The following STARD8 variants were observed in gnomAD, a reference collection of about 807,000 sequenced individuals.
STARD8 encodes the protein StAR related lipid transfer domain containing 8.
STARD8 carries 25 observed loss-of-function variants against 69.4 expected under a neutral mutation model. That is an observed-to-expected ratio of 0.36 (90% CI 0.26 to 0.50). The LOEUF (loss-of-function observed/expected upper bound fraction) is 0.50, where lower values mean the gene tolerates loss of function less well. Among genes scored for constraint, STARD8 ranks in the 20% least tolerant of loss-of-function variants. The probability of loss-of-function intolerance (pLI) is 0.96; values close to 1 mark genes in which losing one functional copy is unlikely to be tolerated. For missense variants in STARD8, 921 were observed against 932.5 expected (o/e 0.99, Z 0.16); for synonymous variants, 389 against 374.6 (o/e 1.04, Z -0.45).
At chrX:68,657,574 T>C (rs928399156) in intron 1 of STARD8, among the ~76,000 whole-genome samples, 4 of 112,263 alleles carry the variant, frequency 3.6e-5, no homozygotes, top group Non-Finnish European at 5.6e-5. Flanking sequence ...TTCAATGCGT[T>C]AACAGTTTTA....
intron 1 of STARD8, among the ~76,000 whole-genome samples, chrX:68,648,648 A>G (rs2079529525): frequency 9.0e-6 from 1 of 111,729 alleles, no homozygotes; most frequent in African/African-American, 3.3e-5. Flanking sequence ...CAAAGAGAAT[A>G]TAAGAAAAGT....
chrX:68,670,885 A>C (rs1392405459), intron 2 of STARD8, among the ~76,000 whole-genome samples: 1 of 111,324 alleles, frequency 9.0e-6, no homozygotes, highest in Non-Finnish European at 1.9e-5. Context: ...AGTTGTGTGC[A>C]TGGGACCTCT....
chrX:68,716,331 T>C, intron 4 of STARD8, 37 bp from the exon 5 acceptor site: 1 of 1,191,740 alleles, frequency 8.4e-7, no homozygotes, highest in Non-Finnish European at 1.1e-6. Context: ...GCTTTGGGGA[T>C]GGGGACCCTT....
At chrX:68,673,458 T>C (rs1398570847) in intron 2 of STARD8, among the ~76,000 whole-genome samples, 6 of 111,842 alleles carry the variant, frequency 5.4e-5, no homozygotes, top group Non-Finnish European at 7.5e-5. Context: ...TTTTCCTCCC[T>C]CAGCTGTCAG....
Position 68,723,717 on chromosome X carries a change from G to A in STARD8, c.2891G>A (p.Arg964Gln), listed in dbSNP as rs779351842. ...AVVLHRVLRE[R>Q]ALWDEDLLRA... is the part of the protein sequence containing the mutation. ...GTGCTGCATCGTGTTCTCCGGGAGC[G>A]GGCCCTCTGGGATGAGGATCTGCTG... Residue 964 changes from arginine to glutamine, a missense_variant, in exon 13 of 15, where the codon CGG becomes CAG. Physicochemically the swap from Arg to Gln is conservative, Grantham distance 43 (BLOSUM62 1). Transcript: ENST00000374599. 18 of 1,189,892 alleles carry A rather than the reference G, an allele frequency of 1.5e-5. No individual in the cohort carries two copies. Among genetic ancestry groups the A allele is most frequent in the East Asian group, 3.1e-5 (1 of 32,658 alleles).
rs895934127 is a variant in STARD8, at chrX:68,668,536, A to G, written c.79+3004A>G. ...TGAATCAAGCAAAGATTTATCTGAC[A>G]CATCATTGCTTTTGTTCTAGTGGTC... On this transcript the variant is annotated intron_variant, in intron 2 of 14. Transcript: ENST00000374599. Among the ~76,000 whole-genome samples the G allele has an allele frequency of 6.3e-5, 7 of 110,386 alleles. No individual in the cohort carries two copies. In the East Asian group the frequency reaches 2.0e-3, roughly 32 times the overall value.
rs752977751 is a variant in STARD8, at chrX:68,717,680, T to C, written c.766T>C (p.Phe256Leu). 6 of 1,210,553 alleles carry C rather than the reference T, an allele frequency of 5.0e-6. No homozygotes were observed. The highest frequency in any genetic ancestry group is 5.9e-5 in the East Asian group (2 of 33,764). ...TTGTCGTGGCTTCCTCTCAGCTGGATTTTACAGGGCCAAGAACTGGGCCGC... is the reference window on the plus strand; with the variant it reads ...TTGTCGTGGCTTCCTCTCAGCTGGACTTTACAGGGCCAAGAACTGGGCCGC... ...RSCRGFLSAGFYRAKNWAATS... is the reference protein window; with the variant it reads ...RSCRGFLSAGLYRAKNWAATS... The change falls in exon 6 of 15, where the codon TTT becomes CTT. Residue 256 changes from phenylalanine to leucine, a missense_variant. Transcript: ENST00000374599.
In STARD8 at chrX:68,716,436, G is replaced by T; in HGVS notation, c.297+5G>T. On this transcript the variant is annotated splice_donor_5th_base_variant and intron_variant, in intron 5 of 14. Coordinates refer to ENST00000374599, the MANE Select transcript of STARD8 (RefSeq NM_001142503.3). ...GTTCATTTTCAAAGCAAGCAGGTGA[G>T]TCATGGCAAAGCGTGGGTCTGTGGT... The T allele has an allele frequency of 8.3e-7, 1 of 1,210,611 alleles. No homozygotes were observed. The highest frequency in any genetic ancestry group is 1.1e-6 in the Non-Finnish European group (1 of 894,762).
rs769745259 is a variant in STARD8 at position 68,682,143 on chromosome X, C to T, written c.79+16611C>T. Among the ~76,000 whole-genome samples the T allele has an allele frequency of 1.3e-4, 14 of 110,564 alleles. No homozygotes were observed. In the South Asian group the frequency reaches 3.5e-3, roughly 28 times the overall value. On this transcript the variant is annotated intron_variant, in intron 2 of 14. Coordinates refer to ENST00000374599, the MANE Select transcript of STARD8 (RefSeq NM_001142503.3). ...ACTCCCGAGTAGCTGGGACTACAGG[C>T]GCACACCACCACGCCTGGCTAATTT...
chrX:68,676,413 C>T (rs918607793), intron 2 of STARD8, among the ~76,000 whole-genome samples: 1 of 112,248 alleles, frequency 8.9e-6, no homozygotes, highest in East Asian at 2.8e-4. Flanking sequence ...GAAATCCTAC[C>T]CACTATATGC....
intron 8 of STARD8, among the ~76,000 whole-genome samples, 187 bp from the exon 9 acceptor site, chrX:68,720,737 T>C (rs1318636072): frequency 3.6e-5 from 4 of 112,426 alleles, no homozygotes; most frequent in African/African-American, 6.5e-5. Context: ...TCTTTTGTCC[T>C]GAAGCTGTAA....
Position 68,722,618 on chromosome X carries a change from C to T in STARD8, c.2771C>T (p.Pro924Leu). ...AAGGGCTGGATGAGCGTGCCAGGGC[C>T]CCAGCACACGGAGCTGGCTTGCAGG... ...RFKGWMSVPG[P>L]QHTELACRKA... The change falls in exon 12 of 15, where the codon CCC becomes CTC. Residue 924 changes from proline to leucine, a missense_variant. Transcript: ENST00000374599. 1 of 1,211,805 alleles carries T rather than the reference C, an allele frequency of 8.3e-7. No homozygotes were observed. Among genetic ancestry groups the T allele is most frequent in the Non-Finnish European group, 1.1e-6 (1 of 895,540 alleles).
In STARD8 at chrX:68,712,839, T is replaced by C. The variant is rs766042850; in HGVS notation, c.80-75T>C. 7.1e-6 allele frequency: 7 copies of C among 988,039 alleles called. No individual in the cohort carries two copies. The South Asian group carries it at 1.5e-4, about 21-fold the overall frequency. The allele number at this position is 988,039 out of a possible 1,213,427, so 81.4% of individuals were successfully genotyped here. A position where few individuals can be genotyped will look rare whatever the true frequency, so the allele number is the denominator to read the frequency against. On this transcript the variant is annotated intron_variant, in intron 2 of 14. Coordinates refer to ENST00000374599, the MANE Select transcript of STARD8 (RefSeq NM_001142503.3). ...GTCTGCCTGCTGGGGTTGGGCAGCATGCACCTAGGGCCCTGGTGTCAGCAC... is the reference window on the plus strand; with the variant it reads ...GTCTGCCTGCTGGGGTTGGGCAGCACGCACCTAGGGCCCTGGTGTCAGCAC...
At chrX:68,648,282 T>C (rs1016345720) in intron 1 of STARD8, among the ~76,000 whole-genome samples, 4 of 111,882 alleles carry the variant, frequency 3.6e-5, no homozygotes, top group Admixed American at 1.9e-4. Flanking sequence ...GGTGATGAGG[T>C]TGGTGTTATT....
intron 2 of STARD8, among the ~76,000 whole-genome samples, chrX:68,687,980 G>C (rs1044559317): frequency 8.9e-6 from 1 of 112,827 alleles, no homozygotes; most frequent in Non-Finnish European, 1.9e-5. Flanking sequence ...CCCACTCTCT[G>C]ACCCTGTCCC....
chrX:68,650,782 CAAACAAAACAAAACAAAACA>C (rs199558734), intron 1 of STARD8, among the ~76,000 whole-genome samples: 18 of 88,727 alleles, frequency 2.0e-4, no homozygotes, highest in African/African-American at 5.6e-4. Flanking sequence ...GGCTATGTCT[CAAACAAAACAAAACAAAACA>C]AAACAAAACA....
intron 1 of STARD8, among the ~76,000 whole-genome samples, chrX:68,652,803 A>C (rs1602533391): frequency 2.8e-4 from 11 of 39,051 alleles, no homozygotes; most frequent in East Asian, 8.8e-4. Context: ...CACACCACAC[A>C]CCACACACAC....
rs1271302541 is a variant in STARD8, at chrX:68,717,707, A to C, written c.793A>C (p.Thr265Pro). Reference protein sequence around the residue: ...GFYRAKNWAATSAGGSGANTR... With the variant: ...GFYRAKNWAAPSAGGSGANTR... ...TTACAGGGCCAAGAACTGGGCCGCC[A>C]CCTCAGCCGGTGGCAGTGGTGCCAA... The change falls in exon 6 of 15, where the codon ACC (threonine) becomes CCC (proline). Residue 265 changes from threonine to proline, a missense_variant. Transcript: ENST00000374599. 7 of 1,210,469 alleles carry C rather than the reference A, an allele frequency of 5.8e-6. No individual in the cohort carries two copies. The South Asian group carries it at 1.2e-4, about 21-fold the overall frequency.
In STARD8 at chrX:68,647,716, C is replaced by G. The variant is rs1357167645; in HGVS notation, c.-167C>G. The G allele has an allele frequency of 1.6e-5, 10 of 615,085 alleles. No homozygotes were observed. Among genetic ancestry groups the G allele is most frequent in the East Asian group, 1.6e-4 (4 of 24,663 alleles). 50.7% of individuals were successfully genotyped at this position (615,085 alleles called of 1,213,427 possible). A position where few individuals can be genotyped will look rare whatever the true frequency, so the allele number is the denominator to read the frequency against. On this transcript the variant is annotated 5_prime_UTR_variant, in exon 1 of 15. Transcript: ENST00000374599. Reference sequence around the variant, plus strand: ...GCCCGCTGTCGAGGCAGCTGAGCCCCGGCAACCGCTGCTCTCCGCCTCTCC... The same window carrying G: ...GCCCGCTGTCGAGGCAGCTGAGCCCGGGCAACCGCTGCTCTCCGCCTCTCC...
Sources: allele counts gnomAD v4.1 joint callset (sites outside exome capture counted in the v4.1 genomes callset), GRCh38; gene constraint gnomAD v4.1.1; transcripts MANE v1.5; gene names NCBI Gene and HGNC (gene_info 2026-07-23, HGNC 2026-07-21).